UPP2: variants seen among roughly 807,000 people sequenced by gnomAD.
UPP2 encodes the protein uridine phosphorylase 2.
UPP2 carries 23 observed loss-of-function variants against 26.7 expected under a neutral mutation model. The observed-to-expected ratio is 0.86, with a 90% CI of 0.62 to 1.22. UPP2 has a LOEUF of 1.22. UPP2 is among the 50% of genes most tolerant of loss of function. UPP2 has a pLI of 0.00. For synonymous variants in UPP2, 127 were observed against 141.3 expected (o/e 0.90, Z 0.72); for missense variants, 387 against 396.7 (o/e 0.98, Z 0.21).
chr2:158,088,209 ATTGAG>A (rs1425784923), intron 3 of UPP2, among the ~76,000 whole-genome samples: 2 of 151,950 alleles, frequency 1.3e-5, no homozygotes, highest in Non-Finnish European at 2.9e-5. Context: ...TCTTTGTTGG[ATTGAG>A]TTAATTTGAA....
At chr2:158,070,765 C>A (rs1409780615) in intron 3 of UPP2, among the ~76,000 whole-genome samples, 1 of 152,214 alleles carries the variant, frequency 6.6e-6, no homozygotes, top group African/African-American at 2.4e-5. Flanking sequence ...TTGAAAGAGG[C>A]ACTGAAGAGG....
At chr2:158,054,936 G>A (rs1274817892) in intron 3 of UPP2, among the ~76,000 whole-genome samples, 3 of 151,980 alleles carry the variant, frequency 2.0e-5, no homozygotes, top group Admixed American at 1.3e-4. Flanking sequence ...CTGAAACTCC[G>A]TACCCATTAG....
chr2:158,058,292 CAAAAAAAAAAAAAAAAAAAAAAA>C (rs57994785), intron 3 of UPP2, among the ~76,000 whole-genome samples: 1 of 38,806 alleles, frequency 2.6e-5, no homozygotes, highest in Non-Finnish European at 5.2e-5. Flanking sequence ...GACTCCGTCT[CAAAAAAAAAAAAAAAAAAAAAAA>C]AAAAAAAAAG....
chr2:158,129,773 G>GTTT (rs140812119), intron 6 of UPP2, among the ~76,000 whole-genome samples: 3 of 145,366 alleles, frequency 2.1e-5, no homozygotes, highest in African/African-American at 7.6e-5. Flanking sequence ...TTTTTTGTTT[G>GTTT]TTTTTTTTTT....
At chr2:158,031,287 G>A (rs1353428393) in intron 3 of UPP2, among the ~76,000 whole-genome samples, 1 of 152,168 alleles carries the variant, frequency 6.6e-6, no homozygotes, top group Non-Finnish European at 1.5e-5. Context: ...ACTCACGTAA[G>A]GTCCTGTGGC....
chr2:158,131,750 C>A (rs1199479573), intron 6 of UPP2, among the ~76,000 whole-genome samples: 1 of 152,184 alleles, frequency 6.6e-6, no homozygotes, highest in African/African-American at 2.4e-5. Flanking sequence ...ATTTTGCTAG[C>A]AAAGCTGTCA....
chr2:158,001,890 T>C (rs899029508), intron 2 of UPP2, among the ~76,000 whole-genome samples: 5 of 146,286 alleles, frequency 3.4e-5, no homozygotes, highest in African/African-American at 5.0e-5. Flanking sequence ...TATCCCATGA[T>C]TGGATCTTAG....
intron 3 of UPP2, among the ~76,000 whole-genome samples, chr2:158,093,151 C>T (rs1442432416): frequency 1.3e-5 from 2 of 151,928 alleles, no homozygotes; most frequent in Non-Finnish European, 2.9e-5. Context: ...AAACTCCTGA[C>T]GTCAAGTAAT....
At chr2:158,101,838 G>T (rs1683081265), upstream of UPP2, 6 of 1,307,990 alleles carry the variant, frequency 4.6e-6, no homozygotes, top group African/African-American at 3.1e-5. Flanking sequence ...GCTGGGCTGT[G>T]GTATAAAAGT....
chr2:158,029,321 T>G (rs555805902), intron 3 of UPP2, among the ~76,000 whole-genome samples: 1 of 152,236 alleles, frequency 6.6e-6, no homozygotes, highest in Non-Finnish European at 1.5e-5. Context: ...AAAAATGTTT[T>G]CTTTGAAGCA....
At chr2:157,995,743 T>C (rs921388341) in intron 2 of UPP2, among the ~76,000 whole-genome samples, 31 of 152,108 alleles carry the variant, frequency 2.0e-4, no homozygotes, top group Non-Finnish European at 2.9e-5. Context: ...ACTTACAAAA[T>C]AGAAAATGGT....
chr2:158,118,265 G>A (rs940898365), intron 4 of UPP2, among the ~76,000 whole-genome samples: 1 of 151,314 alleles, frequency 6.6e-6, no homozygotes, highest in South Asian at 2.1e-4. Flanking sequence ...TTTTTAAAGT[G>A]ACAGAAATAA....
intron 2 of UPP2, among the ~76,000 whole-genome samples, chr2:157,999,079 T>A (rs976688626): frequency 1.3e-5 from 2 of 152,238 alleles, no homozygotes; most frequent in Non-Finnish European, 2.9e-5. Context: ...TCATTTGTAG[T>A]GTCTAATCTA....
At chr2:158,052,616 T>G (rs902669684) in intron 3 of UPP2, among the ~76,000 whole-genome samples, 3 of 152,212 alleles carry the variant, frequency 2.0e-5, no homozygotes, top group Admixed American at 6.5e-5. Flanking sequence ...TCTGTCACTT[T>G]GATAAGGTTA....
intron 3 of UPP2, among the ~76,000 whole-genome samples, chr2:158,037,331 T>C (rs1684019115): frequency 6.6e-6 from 1 of 151,916 alleles, no homozygotes; most frequent in Non-Finnish European, 1.5e-5. Flanking sequence ...GCCGAGATTG[T>C]GCCATTGCAC....
chr2:158,074,845 TA>T (rs1315836966), intron 3 of UPP2, among the ~76,000 whole-genome samples: 2 of 150,032 alleles, frequency 1.3e-5, no homozygotes, highest in African/African-American at 4.9e-5. Context: ...TTTTTTTTTT[TA>T]AAAGACCAAT....
At chr2:158,100,779 G>A (rs757397768), upstream of UPP2, among the ~76,000 whole-genome samples, 1 of 152,182 alleles carries the variant, frequency 6.6e-6, no homozygotes, top group Non-Finnish European at 1.5e-5. Flanking sequence ...AGTTGCAAAC[G>A]TCTAGTTGGT....
At chr2:158,002,390 C>T (rs990946451) in intron 2 of UPP2, among the ~76,000 whole-genome samples, 4 of 152,208 alleles carry the variant, frequency 2.6e-5, no homozygotes, top group African/African-American at 4.8e-5. Flanking sequence ...CCCATTATCA[C>T]AGTTAGAGGA....
intron 3 of UPP2, 32 bp downstream of exon 3, chr2:158,115,291 A>G (rs1005702999): frequency 5.8e-6 from 9 of 1,544,388 alleles, no homozygotes; most frequent in Admixed American, 2.0e-5. Context: ...TCAGCTAGTC[A>G]TTGCAGGCTA....
Sources: gnomAD v4.1 joint callset for allele counts (sites outside exome capture counted in the v4.1 genomes callset) on GRCh38, gnomAD v4.1.1 for gene constraint, MANE v1.5 for transcripts, NCBI Gene and HGNC (gene_info 2026-07-23, HGNC 2026-07-21) for gene names.